Variants in CACNA1C observed in about 807,000 individuals in gnomAD.
The protein encoded by CACNA1C is calcium voltage-gated channel subunit alpha1 C.
A neutral mutation model predicts 229.0 loss-of-function variants in CACNA1C; 30 were observed. That is an observed-to-expected ratio of 0.13 (90% confidence interval 0.10 to 0.18). The LOEUF is 0.18. Among genes scored for constraint, CACNA1C ranks in the 10% least tolerant of loss-of-function variants. The probability of loss-of-function intolerance (pLI) is 1.00; values close to 1 mark genes in which losing one functional copy is unlikely to be tolerated. For synonymous variants in CACNA1C, 1,114 were observed against 1,132.5 expected (o/e 0.98, Z 0.33); for missense variants, 1,658 against 2,845.0 (o/e 0.58, Z 9.49).
chr12:2,599,679 G>T (rs140293426), intron 21 of CACNA1C, among the ~76,000 whole-genome samples: 56 of 152,180 alleles, frequency 3.7e-4, no homozygotes, highest in Non-Finnish European at 2.5e-4. Context: ...CCAAGTAATG[G>T]TGTAGAATTA....
chr12:2,058,500 G>A (rs1565426023), intron 1 of CACNA1C, among the ~76,000 whole-genome samples: 1 of 152,126 alleles, frequency 6.6e-6, no homozygotes, highest in Non-Finnish European at 1.5e-5. Context: ...GTTAATGTTG[G>A]GCACTGTGGA....
intron 3 of CACNA1C, among the ~76,000 whole-genome samples, chr12:2,271,413 G>A (rs1318141318): frequency 6.6e-5 from 10 of 152,162 alleles, no homozygotes; most frequent in Admixed American, 6.5e-4. Context: ...AAGGAGTTAG[G>A]TATTCTGAGT....
chr12:2,641,618 C>T (rs1353608625), intron 30 of CACNA1C: 2 of 661,782 alleles, frequency 3.0e-6, no homozygotes, highest in Admixed American at 4.3e-5. Flanking sequence ...TACCAAGATG[C>T]CTTGTTTCAA....
intron 5 of CACNA1C, among the ~76,000 whole-genome samples, chr12:2,465,881 G>T (rs1009715362): frequency 6.6e-6 from 1 of 152,054 alleles, no homozygotes; most frequent in Admixed American, 6.5e-5. Flanking sequence ...GCCAGGTCTG[G>T]GCCATCCTGC....
At chr12:2,476,081 C>T (rs1047668029) in intron 5 of CACNA1C, among the ~76,000 whole-genome samples, 1 of 152,196 alleles carries the variant, frequency 6.6e-6, no homozygotes, top group African/African-American at 2.4e-5. Context: ...GAGATCTGCT[C>T]CTTACTCTGC....
intron 3 of CACNA1C, among the ~76,000 whole-genome samples, chr12:2,237,304 T>C (rs1348858678): frequency 6.6e-6 from 1 of 152,220 alleles, no homozygotes; most frequent in African/African-American, 2.4e-5. Context: ...TAGGGTATGA[T>C]AGTGTGGGTT....
chr12:2,651,058 T>C lies in CACNA1C; in HGVS notation c.3946-582T>C, dbSNP rs1044738778. The stretch of plus-strand genomic sequence containing the variant: ...GGCTGTGGAAAGTAGAAGGAGGTGA[T>C]ACAAGGAAAGTGCTGGAGTCCCAAG... On this transcript the variant is annotated intron_variant, in intron 31 of 46. Transcript: ENST00000399655. The surrounding 1 kb of genome is among the most constrained non-coding windows in gnomAD (Gnocchi z 5.4). 1.3e-5 allele frequency: 2 copies of C among 153,014 alleles called. No individual in the cohort carries two copies. The highest frequency in any genetic ancestry group is 4.8e-5 in the African/African-American group (2 of 41,440). The allele number at this position is 153,014 out of a possible 1,614,324, so 9.5% of individuals were successfully genotyped here. A position where few individuals can be genotyped will look rare whatever the true frequency, so the allele number is the denominator to read the frequency against.
chr12:2,598,407 T>C (rs909744481), intron 21 of CACNA1C, among the ~76,000 whole-genome samples: 3 of 152,210 alleles, frequency 2.0e-5, no homozygotes, highest in African/African-American at 4.8e-5. Flanking sequence ...TCTAAACCAA[T>C]GCGTGGCAAG....
chr12:2,066,493 G>A (rs955786263), intron 1 of CACNA1C, among the ~76,000 whole-genome samples: 53 of 152,144 alleles, frequency 3.5e-4, no homozygotes, highest in African/African-American at 1.3e-3. Context: ...GTCGTGAAAG[G>A]GAAGATGGGA....
At chr12:2,128,108 A>C (rs1047636883) in intron 3 of CACNA1C, among the ~76,000 whole-genome samples, 1 of 152,164 alleles carries the variant, frequency 6.6e-6, no homozygotes. Flanking sequence ...GGATCCTGTG[A>C]AGTGTTATCC....
rs2083292505 is a variant in CACNA1C at position 2,268,414 on chromosome 12, TC to T, written c.477+147986del. On this transcript the variant is annotated intron_variant, in intron 3 of 46. Coordinates refer to ENST00000399655, the MANE Select transcript of CACNA1C (RefSeq NM_000719.7). ...CAAGGCCTGGGCCAGCTGCTCTTGT[TC>T]CAGAAGATTTCATGGATTAACTCCC... is the stretch of plus-strand genomic sequence containing the variant. 2.0e-5 allele frequency among the ~76,000 whole-genome samples: 3 copies of T among 152,348 alleles called. No homozygotes were observed. In the South Asian group the frequency reaches 6.2e-4, roughly 32 times the overall value.
chr12:2,004,517 G>A (rs2042992819), intron 1 of CACNA1C: 1 of 1,508,796 alleles, frequency 6.6e-7, no homozygotes, highest in East Asian at 2.3e-5. Context: ...TCGCAACCGA[G>A]AACCCACGGC....
At chr12:2,128,824 C>T (rs1004884807) in intron 3 of CACNA1C, among the ~76,000 whole-genome samples, 4 of 152,182 alleles carry the variant, frequency 2.6e-5, no homozygotes, top group African/African-American at 7.2e-5. Context: ...CGTATAAATG[C>T]GTTTAAACAT....
intron 3 of CACNA1C, among the ~76,000 whole-genome samples, chr12:2,377,663 C>T (rs2098116842): frequency 6.6e-6 from 1 of 152,186 alleles, no homozygotes; most frequent in Non-Finnish European, 1.5e-5. Flanking sequence ...TTATCTCCTC[C>T]AGTCTGCACT....
At chr12:2,274,747 C>A (rs550130070) in intron 3 of CACNA1C, among the ~76,000 whole-genome samples, 21 of 152,172 alleles carry the variant, frequency 1.4e-4, no homozygotes, top group Admixed American at 2.0e-4. Context: ...TGTCTGATTC[C>A]GAAGCTGGGC....
intron 1 of CACNA1C, among the ~76,000 whole-genome samples, chr12:2,107,846 A>G (rs544607969): frequency 6.6e-6 from 1 of 152,326 alleles, no homozygotes; most frequent in African/African-American, 2.4e-5. Flanking sequence ...TCTGCTCGTT[A>G]TCTTCCCCAC....
At chr12:2,661,896 C>T (rs2153695398) in intron 34 of CACNA1C, among the ~76,000 whole-genome samples, 1 of 152,272 alleles carries the variant, frequency 6.6e-6, no homozygotes, top group East Asian at 1.9e-4. Context: ...TAGACAAGAT[C>T]TTATGCTATC....
chr12:2,249,851 A>G (rs1326966580), intron 3 of CACNA1C, among the ~76,000 whole-genome samples: 1 of 150,616 alleles, frequency 6.6e-6, no homozygotes, highest in East Asian at 2.0e-4. Context: ...GCTCATTGCA[A>G]GCGCCGCCTC....
chr12:2,435,079 G>T (rs4765930), intron 3 of CACNA1C, among the ~76,000 whole-genome samples: 116,499 of 152,044 alleles, frequency 0.77, 44,793 homozygotes, highest in African/African-American at 0.82. Context: ...CACCTGCCTG[G>T]GCAGAGGCTT....
Sources: gnomAD v4.1 joint callset for allele counts (sites outside exome capture counted in the v4.1 genomes callset) on GRCh38, gnomAD v4.1.1 for gene constraint, Gnocchi (gnomAD v3.1) non-coding constraint, MANE v1.5 for transcripts, NCBI Gene and HGNC (gene_info 2026-07-23, HGNC 2026-07-21) for gene names.